SPATA18: variants seen among roughly 807,000 people sequenced by gnomAD.
SPATA18 encodes mitochondria-eating protein.
A neutral mutation model predicts 68.1 loss-of-function variants in SPATA18; 54 were observed. The ratio of observed to expected loss-of-function variants is 0.79; its 90% CI spans 0.64 to 0.99. The LOEUF (loss-of-function observed/expected upper bound fraction) is 0.99, where lower values mean the gene tolerates loss of function less well. Ranked by LOEUF, SPATA18 falls within the 50% of genes least tolerant of loss-of-function variation. The pLI is 0.00. For synonymous variants in SPATA18, 242 were observed against 244.8 expected, an observed-to-expected ratio of 0.99 and a Z score of 0.11; for missense variants, 724 against 681.1, an observed-to-expected ratio of 1.06 and a Z score of -0.70.
chr4:52,067,752 A>G (rs1191111886), intron 4 of SPATA18, among the ~76,000 whole-genome samples: 1 of 152,186 alleles, frequency 6.6e-6, no homozygotes, highest in Non-Finnish European at 1.5e-5. Context: ...TAGAGAGTGA[A>G]GTCACAACTG....
At chr4:52,057,545 C>A (rs1217036178) in intron 1 of SPATA18, among the ~76,000 whole-genome samples, 1 of 152,176 alleles carries the variant, frequency 6.6e-6, no homozygotes, top group African/African-American at 2.4e-5. Context: ...GTACCAGGCA[C>A]TGGGCAAGGC....
intron 8 of SPATA18, among the ~76,000 whole-genome samples, 168 bp from the exon 9 acceptor site, chr4:52,079,576 A>G (rs1560602407): frequency 6.6e-6 from 1 of 152,088 alleles, no homozygotes; most frequent in Non-Finnish European, 1.5e-5. Flanking sequence ...TTCCCTGTGA[A>G]TGGGTGGCAA....
At position 52,096,639 on chromosome 4, in the gene SPATA18, C is replaced by T. The variant is rs768378583; in HGVS notation, c.*1752C>T. On this transcript the variant is annotated 3_prime_UTR_variant, in exon 13 of 13. Coordinates refer to ENST00000295213, the MANE Select transcript of SPATA18 (RefSeq NM_145263.4). The stretch of plus-strand genomic sequence containing the variant: ...AAAATTAAGTCATTAGATGGCTGAA[C>T]CTGCATGTAGAGCCACCAGCTACAA... 1 of 151,996 alleles carries T rather than the reference C, an allele frequency of 6.6e-6. No individual in the cohort carries two copies. The highest frequency in any genetic ancestry group is 6.6e-5 in the Admixed American group (1 of 15,232). The allele number at this position is 151,996 out of a possible 1,614,324, so 9.4% of individuals were successfully genotyped here. A position where few individuals can be genotyped will look rare whatever the true frequency, so the allele number is the denominator to read the frequency against.
chr4:52,092,998 A>C (rs1470382238), intron 11 of SPATA18, among the ~76,000 whole-genome samples: 1 of 152,312 alleles, frequency 6.6e-6, no homozygotes. Flanking sequence ...CAGAGAGTGG[A>C]TGGTGGGAGG....
At chr4:52,082,744 G>A (rs1741055782) in intron 10 of SPATA18, 2 of 1,349,644 alleles carry the variant, frequency 1.5e-6, no homozygotes, top group Non-Finnish European at 1.9e-6. Context: ...TTTAGGAGAT[G>A]GAATCAGTCA....
chr4:52,069,297 A>G (rs1160840241), intron 4 of SPATA18, among the ~76,000 whole-genome samples: 1 of 152,262 alleles, frequency 6.6e-6, no homozygotes, highest in Non-Finnish European at 1.5e-5. Flanking sequence ...CTCAATAAGT[A>G]GTAGAAGTCA....
chr4:52,085,675 C>T (rs1455727317), intron 11 of SPATA18, among the ~76,000 whole-genome samples: 1 of 151,908 alleles, frequency 6.6e-6, no homozygotes, highest in African/African-American at 2.4e-5. Context: ...CCAGCTATGG[C>T]AACATGGGGA....
chr4:52,083,548 G>A (rs1215703309), intron 10 of SPATA18: 3 of 892,224 alleles, frequency 3.4e-6, no homozygotes, highest in Admixed American at 6.2e-5. Context: ...AGTTTGAGAT[G>A]AGCCTGGGCA....
intron 11 of SPATA18, among the ~76,000 whole-genome samples, chr4:52,089,386 A>G (rs942869467): frequency 1.3e-5 from 2 of 152,158 alleles, no homozygotes; most frequent in Non-Finnish European, 2.9e-5. Flanking sequence ...TAGGGTGTCA[A>G]TTTTAGATCT....
At chr4:52,053,281 C>G (rs2109397199) in intron 1 of SPATA18, among the ~76,000 whole-genome samples, 2 of 152,278 alleles carry the variant, frequency 1.3e-5, no homozygotes, top group Middle Eastern at 3.4e-3. Context: ...TGATAACATC[C>G]CATTCTCTGC....
intron 1 of SPATA18, among the ~76,000 whole-genome samples, chr4:52,059,722 C>A (rs568569240): frequency 6.6e-6 from 1 of 152,200 alleles, no homozygotes; most frequent in Non-Finnish European, 1.5e-5. Flanking sequence ...GTCTGCCCCA[C>A]GAGTCTGCAA....
intron 5 of SPATA18, among the ~76,000 whole-genome samples, chr4:52,070,880 TGGG>T (rs34959256): frequency 6.4e-4 from 92 of 143,872 alleles, no homozygotes; most frequent in Non-Finnish European, 9.5e-4. Context: ...AAAGAGTAAG[TGGG>T]GGGGGGGGTG....
intron 1 of SPATA18, among the ~76,000 whole-genome samples, chr4:52,053,583 GC>G (rs1379148499): frequency 4.6e-5 from 7 of 152,148 alleles, no homozygotes; most frequent in Admixed American, 3.3e-4. Flanking sequence ...AATAGTGAAT[GC>G]TATTGAAATG....
intron 1 of SPATA18, among the ~76,000 whole-genome samples, chr4:52,055,628 T>A (rs932926507): frequency 6.6e-6 from 1 of 152,228 alleles, no homozygotes; most frequent in Non-Finnish European, 1.5e-5. Flanking sequence ...GCTGTGGTTA[T>A]CAATCTTCAT....
intron 1 of SPATA18, among the ~76,000 whole-genome samples, chr4:52,053,718 A>C (rs969027512): frequency 6.6e-6 from 1 of 152,126 alleles, no homozygotes; most frequent in Non-Finnish European, 1.5e-5. Context: ...TCACCATCAT[A>C]ATCTGTTGGT....
intron 4 of SPATA18, among the ~76,000 whole-genome samples, chr4:52,067,722 A>G (rs1739432270): frequency 6.6e-6 from 1 of 152,124 alleles, no homozygotes; most frequent in Non-Finnish European, 1.5e-5. Flanking sequence ...TTTTCTCATA[A>G]TAGCACTTAT....
At chr4:52,079,658 C>T (rs1740745214) in intron 8 of SPATA18, 86 bp from the exon 9 acceptor site, 2 of 1,448,830 alleles carry the variant, frequency 1.4e-6, no homozygotes, top group Non-Finnish European at 1.9e-6. Flanking sequence ...TCTTTTCCCA[C>T]CTCCCATCAA....
At chr4:52,062,381 T>A in intron 4 of SPATA18, 49 bp downstream of exon 4, 1 of 1,326,762 alleles carries the variant, frequency 7.5e-7, no homozygotes, top group Non-Finnish European at 1.1e-6. Context: ...GTTTTCAATT[T>A]AATTAAGTTT....
In SPATA18 at chr4:52,095,329, A is replaced by G. The variant is rs1356600557; in HGVS notation, c.*442A>G. The G allele has an allele frequency of 5.8e-6, 1 of 172,122 alleles. No homozygotes were observed. The highest frequency in any genetic ancestry group is 5.9e-5 in the Admixed American group (1 of 16,926). The allele number at this position is 172,122 out of a possible 1,614,324, so 10.7% of individuals were successfully genotyped here. Reference sequence around the variant, plus strand: ...TTGTTGGTATCAGCTTTAGCTCAAAACCAATATTAGGTGTTTTAATTTCCT... The same window carrying G: ...TTGTTGGTATCAGCTTTAGCTCAAAGCCAATATTAGGTGTTTTAATTTCCT... On this transcript the variant is annotated 3_prime_UTR_variant, in exon 13 of 13. Transcript: ENST00000295213.
Sources: allele counts gnomAD v4.1 joint callset (sites outside exome capture counted in the v4.1 genomes callset), GRCh38; gene constraint gnomAD v4.1.1; transcripts MANE v1.5; gene names NCBI Gene and HGNC (gene_info 2026-07-23, HGNC 2026-07-21).